Variants in EGFR observed in about 807,000 individuals in gnomAD.
EGFR encodes the protein avian erythroblastic leukemia viral (v-erb-b) oncogene homolog.
In EGFR, 58 loss-of-function variants were observed where a neutral mutation model predicts 143.0. That is an observed-to-expected ratio of 0.41 (90% CI 0.33 to 0.50). The LOEUF is 0.50. Among genes scored for constraint, EGFR ranks in the 20% least tolerant of loss-of-function variants. EGFR has a pLI of 0.39. For missense variants in EGFR, 1,307 were observed against 1,579.0 expected, an observed-to-expected ratio of 0.83 and a Z score of 2.92; for synonymous variants, 613 against 594.4, an observed-to-expected ratio of 1.03 and a Z score of -0.45.
chr7:55,204,624 CAG>C (rs1169702996), intron 27 of EGFR, among the ~76,000 whole-genome samples: 1 of 122,846 alleles, frequency 8.1e-6, no homozygotes, highest in African/African-American at 3.4e-5. Flanking sequence ...ACACACACCA[CAG>C]ACACACACCA....
chr7:55,139,107 A>G (rs960206347), intron 1 of EGFR, among the ~76,000 whole-genome samples: 2 of 152,222 alleles, frequency 1.3e-5, no homozygotes, highest in African/African-American at 2.4e-5. Flanking sequence ...ATTGGTGATT[A>G]AGTTTCCAAT....
At chr7:55,203,670 TAC>T (rs1382847173) in intron 27 of EGFR, among the ~76,000 whole-genome samples, 1 of 103,320 alleles carries the variant, frequency 9.7e-6, no homozygotes, top group Non-Finnish European at 2.1e-5. Context: ...CACACACACA[TAC>T]ACACACCACA....
At chr7:55,169,471 C>A (rs143717145) in intron 15 of EGFR, among the ~76,000 whole-genome samples, 17 of 152,148 alleles carry the variant, frequency 1.1e-4, no homozygotes, top group South Asian at 8.3e-4. Context: ...AAATCTTTAT[C>A]CTAATAAACC....
At chr7:55,188,235 T>G (rs1022584434) in intron 20 of EGFR, among the ~76,000 whole-genome samples, 10 of 152,308 alleles carry the variant, frequency 6.6e-5, no homozygotes, top group African/African-American at 2.4e-4. Context: ...CCTAAGTCAC[T>G]GCTCCATGAG....
intron 1 of EGFR, among the ~76,000 whole-genome samples, chr7:55,108,033 T>G (rs575051823): frequency 6.6e-6 from 1 of 152,326 alleles, no homozygotes; most frequent in East Asian, 1.9e-4. Flanking sequence ...CTTTAGTTAT[T>G]GTGTTTGAAA....
intron 1 of EGFR, among the ~76,000 whole-genome samples, chr7:55,083,514 T>A (rs376861679): frequency 9.2e-5 from 14 of 152,310 alleles, no homozygotes; most frequent in African/African-American, 2.9e-4. Context: ...AGAAAACACA[T>A]GGTTGGTCAC....
At chr7:55,048,310 C>T (rs1788296548) in intron 1 of EGFR, among the ~76,000 whole-genome samples, 1 of 152,234 alleles carries the variant, frequency 6.6e-6, no homozygotes, top group African/African-American at 2.4e-5. Flanking sequence ...TTTCCAGGGC[C>T]CTGCTCAGAA....
intron 1 of EGFR, among the ~76,000 whole-genome samples, chr7:55,116,678 A>T (rs1365038464): frequency 6.6e-6 from 1 of 152,226 alleles, no homozygotes; most frequent in African/African-American, 2.4e-5. Flanking sequence ...CTCCTGGGAC[A>T]GGGCTACCAC....
chr7:55,131,169 C>G (rs953589446), intron 1 of EGFR, among the ~76,000 whole-genome samples: 1 of 152,112 alleles, frequency 6.6e-6, no homozygotes, highest in African/African-American at 2.4e-5. Context: ...AGGGGTGGCA[C>G]CAGGATTCCA....
At chr7:55,156,952 T>C in intron 10 of EGFR, 120 bp downstream of exon 10, 7 of 1,551,354 alleles carry the variant, frequency 4.5e-6, no homozygotes, top group Non-Finnish European at 5.2e-6. Flanking sequence ...TTACCGTTAA[T>C]GGCTGATGTT....
In EGFR at chr7:55,019,362, A is replaced by C; in HGVS notation, c.85A>C (p.Lys29Gln). ...GGCGAGTCGGGCTCTGGAGGAAAAG[A>C]AAGGTAAGGGCGTGTCTCGCCGGCT... The part of the protein sequence containing the change: ...CPASRALEEK[K>Q]VCQGTSNKLT... The change falls in exon 1 of 28, where the codon AAA (lysine) becomes CAA (glutamine). Residue 29 changes from lysine (K) to glutamine (Q), a missense_variant. Physicochemically the swap from Lys to Gln is moderately conservative, Grantham distance 53. Around this residue, in one of 7 missense-constraint regions of EGFR, gnomAD observed 65 missense variants for 37.8 expected, o/e 1.72. Transcript: ENST00000275493. 6.6e-7 allele frequency: 1 copy of C among 1,506,998 alleles called. No homozygotes were observed. Among genetic ancestry groups the C allele is most frequent in the South Asian group, 1.2e-5 (1 of 83,518 alleles). 93.4% of individuals were successfully genotyped at this position (1,506,998 alleles called of 1,614,324 possible).
intron 1 of EGFR, among the ~76,000 whole-genome samples, chr7:55,129,406 A>C (rs1423817570): frequency 6.6e-6 from 1 of 152,260 alleles, no homozygotes; most frequent in Non-Finnish European, 1.5e-5. Context: ...AAGTCAAACA[A>C]AATTATCAAG....
chr7:55,108,983 G>A (rs1159594640), intron 1 of EGFR, among the ~76,000 whole-genome samples: 2 of 152,170 alleles, frequency 1.3e-5, no homozygotes, highest in Non-Finnish European at 2.9e-5. Context: ...ATATAAATCA[G>A]CAGGATACAT....
intron 15 of EGFR, among the ~76,000 whole-genome samples, chr7:55,168,919 T>C (rs1437957185): frequency 6.6e-6 from 1 of 152,182 alleles, no homozygotes; most frequent in African/African-American, 2.4e-5. Context: ...AGATGGGATG[T>C]ATTGCCTTCT....
chr7:55,088,538 G>T lies in EGFR; in HGVS notation c.89-53748G>T, dbSNP rs114468016. Among the ~76,000 whole-genome samples, 1,134 of 152,320 alleles carry T rather than the reference G, an allele frequency of 7.4e-3. 14 individuals are homozygous for T. Among genetic ancestry groups the T allele is most frequent in the African/African-American group, 0.025 (1,050 of 41,562 alleles). On this transcript the variant is annotated intron_variant, in intron 1 of 27. Coordinates refer to ENST00000275493, the MANE Select transcript of EGFR (RefSeq NM_005228.5). Reference sequence around the variant, plus strand: ...AGTCAACTGCCAGGCATCCGCACTTGCAAATTAGATGCCTGGCACATGCTT... The same window carrying T: ...AGTCAACTGCCAGGCATCCGCACTTTCAAATTAGATGCCTGGCACATGCTT...
chr7:55,103,601 G>A (rs1419912164), intron 1 of EGFR, among the ~76,000 whole-genome samples: 1 of 152,194 alleles, frequency 6.6e-6, no homozygotes, highest in African/African-American at 2.4e-5. Flanking sequence ...TAATGCTTAG[G>A]GAGGGAATGA....
intron 1 of EGFR, among the ~76,000 whole-genome samples, chr7:55,027,257 A>G (rs1457024294): frequency 6.6e-6 from 1 of 152,180 alleles, no homozygotes; most frequent in Non-Finnish European, 1.5e-5. Flanking sequence ...GTGGGAGCCC[A>G]AAAGAGGGAC....
At chr7:55,052,100 C>A (rs1788524535) in intron 1 of EGFR, among the ~76,000 whole-genome samples, 1 of 152,182 alleles carries the variant, frequency 6.6e-6, no homozygotes, top group Admixed American at 6.5e-5. Flanking sequence ...AGCCTCACAG[C>A]CTCTTACTTC....
chr7:55,160,604 G>A (rs1297498521), intron 12 of EGFR, among the ~76,000 whole-genome samples: 1 of 152,224 alleles, frequency 6.6e-6, no homozygotes, highest in African/African-American at 2.4e-5. Context: ...TTTAGTATTA[G>A]TTATATTACC....
Sources: allele counts gnomAD v4.1 joint callset (sites outside exome capture counted in the v4.1 genomes callset), GRCh38; gene constraint gnomAD v4.1.1; regional missense constraint gnomAD v4.1.1; transcripts MANE v1.5; gene names NCBI Gene and HGNC (gene_info 2026-07-23, HGNC 2026-07-21).